AWAT2: variants seen among roughly 807,000 people sequenced by gnomAD.
AWAT2 encodes 11-cis-RE-synthase.
A neutral mutation model predicts 22.3 loss-of-function variants in AWAT2; 9 were observed. That is an observed-to-expected ratio of 0.40 (90% CI 0.24 to 0.70). The LOEUF is 0.70. Among genes scored for constraint, AWAT2 ranks in the 30% least tolerant of loss-of-function variants. The probability of loss-of-function intolerance (pLI) is 0.36; values close to 1 mark genes in which losing one functional copy is unlikely to be tolerated. For synonymous variants in AWAT2, 100 were observed against 93.4 expected (o/e 1.07, Z -0.40); for missense variants, 217 against 265.9 (o/e 0.82, Z 1.28).
In AWAT2 at chrX:70,043,470, C is replaced by T. The variant is rs757025455; in HGVS notation, c.472+8G>A. On this transcript the variant is annotated splice_region_variant and intron_variant, in intron 4 of 7. Transcript: ENST00000276101. The stretch of plus-strand genomic sequence containing the variant: ...TTCTTTGGCTTTGTGTCCTAGGAGC[C>T]AACTTACCTGTAGACATTACATATT... 1.5e-5 allele frequency: 18 copies of T among 1,203,136 alleles called. No individual in the cohort carries two copies. The highest frequency in any genetic ancestry group is 1.0e-5 in the Non-Finnish European group (9 of 890,034).
rs1410400116 is a variant in AWAT2 at position 70,041,913 on chromosome X, G to A, written c.897C>T (p.Ile299=). The change falls in exon 7 of 8, where the codon ATC becomes ATT. Residue 299 remains isoleucine, a synonymous_variant. Coordinates refer to ENST00000276101, the MANE Select transcript of AWAT2 (RefSeq NM_001002254.1). ...TATAGAGTGTGTGATATTTAGCCAC[G>A]ATCTCCTGGCTTGGATTCTCAATCT... ...MPKIENPSQE[I]VAKYHTLYID... 13 of 1,211,082 alleles carry A rather than the reference G, an allele frequency of 1.1e-5. No individual in the cohort carries two copies. Among genetic ancestry groups the A allele is most frequent in the East Asian group, 3.0e-5 (1 of 33,824 alleles).
chrX:70,048,987 C>G (rs1454633590), intron 1 of AWAT2, among the ~76,000 whole-genome samples: 1 of 111,891 alleles, frequency 8.9e-6, no homozygotes, highest in Non-Finnish European at 1.9e-5. Flanking sequence ...GATTAATACA[C>G]CCTGAATGCT....
At chrX:70,047,819 C>T (rs2020373120) in intron 1 of AWAT2, among the ~76,000 whole-genome samples, 1 of 111,367 alleles carries the variant, frequency 9.0e-6, no homozygotes, top group Admixed American at 9.5e-5. Flanking sequence ...ACCGAGAGCT[C>T]TTCTGCCTGC....
At position 70,043,465 on chromosome X, in the gene AWAT2, G is replaced by A; in HGVS notation, c.472+13C>T. ...ATTTTTTCTTTGGCTTTGTGTCCTA[G>A]GAGCCAACTTACCTGTAGACATTAC... On this transcript the variant is annotated intron_variant, in intron 4 of 7. Transcript: ENST00000276101. 1 of 1,200,466 alleles carries A rather than the reference G, an allele frequency of 8.3e-7. No individual in the cohort carries two copies. The highest frequency in any genetic ancestry group is 1.1e-6 in the Non-Finnish European group (1 of 887,217).
At chrX:70,048,318 C>T (rs2020377168) in intron 1 of AWAT2, among the ~76,000 whole-genome samples, 1 of 111,640 alleles carries the variant, frequency 9.0e-6, no homozygotes, top group South Asian at 3.8e-4. Context: ...CCTACACAAT[C>T]TGTCCCCTGC....
intron 1 of AWAT2, among the ~76,000 whole-genome samples, chrX:70,048,021 A>G (rs72628847): frequency 3.4e-5 from 1 of 29,265 alleles, no homozygotes; most frequent in Admixed American, 3.7e-4. Flanking sequence ...CCGTGCCCCC[A>G]CCCCCCATCT....
At position 70,043,545 on chromosome X, in the gene AWAT2, G is replaced by A; in HGVS notation, c.405C>T (p.Thr135=). The change falls in exon 4 of 8, where the codon ACC becomes ACT. Residue 135 remains threonine (T), a synonymous_variant. Coordinates refer to ENST00000276101, the MANE Select transcript of AWAT2 (RefSeq NM_001002254.1). ...SGFSKIFPGI[T]PYILTLGAFF... ...AGGCTCCCAGTGTGAGTATGTAAGG[G>A]GTGATGCCAGGAAATATCTTGGAGA... 8.3e-7 allele frequency: 1 copy of A among 1,210,850 alleles called. No homozygotes were observed. The highest frequency in any genetic ancestry group is 1.8e-5 in the South Asian group (1 of 56,890).
At chrX:70,046,803 T>C (rs2020364983) in intron 1 of AWAT2, among the ~76,000 whole-genome samples, 1 of 112,208 alleles carries the variant, frequency 8.9e-6, no homozygotes. Flanking sequence ...ACAACTGTGC[T>C]TCCTCTTTTC....
rs926394796 is a variant in AWAT2 at position 70,041,250 on chromosome X, G to T, written c.*408C>A. ...TTGTTAGTCTCATTTTATAGAAGAA[G>T]AAAGGAGGCTCAGAGGTGACTGATT... On this transcript the variant is annotated 3_prime_UTR_variant, in exon 8 of 8. Coordinates refer to ENST00000276101, the MANE Select transcript of AWAT2 (RefSeq NM_001002254.1). 1 of 112,625 alleles carries T rather than the reference G, an allele frequency of 8.9e-6. No homozygotes were observed. Among genetic ancestry groups the T allele is most frequent in the African/African-American group, 3.2e-5 (1 of 30,848 alleles). The allele number at this position is 112,625 out of a possible 1,213,427, so 9.3% of individuals were successfully genotyped here. A position where few individuals can be genotyped will look rare whatever the true frequency, so the allele number is the denominator to read the frequency against.
intron 1 of AWAT2, among the ~76,000 whole-genome samples, chrX:70,048,730 T>G (rs1451270431): frequency 9.0e-6 from 1 of 111,527 alleles, no homozygotes; most frequent in Non-Finnish European, 1.9e-5. Flanking sequence ...TGGGTGGAGG[T>G]AGTAAGGACT....
At position 70,043,071 on chromosome X, in the gene AWAT2, A is replaced by C. The variant is rs2020340085; in HGVS notation, c.645T>G (p.His215Gln). 8.4e-7 allele frequency: 1 copy of C among 1,185,873 alleles called. No individual in the cohort carries two copies. Among genetic ancestry groups the C allele is most frequent in the Non-Finnish European group, 1.1e-6 (1 of 883,320 alleles). The change falls in exon 5 of 8, where the codon CAT becomes CAG. Residue 215 changes from histidine (H) to glutamine (Q), a missense_variant and splice_region_variant. His to Gln is a conservative substitution (Grantham distance 24, BLOSUM62 0). Transcript: ENST00000276101. ...GCCTGGACTGGAGCTGTCCTTACCC[A>C]TGCTGAAGGGCCATGCGCACAAAGC... is the stretch of plus-strand genomic sequence containing the variant. Reference protein sequence around the residue: ...RSGFVRMALQHGVPLIPAYAF... With the variant: ...RSGFVRMALQQGVPLIPAYAF...
chrX:70,042,025 G>T (rs1053147728), intron 6 of AWAT2, 63 bp from the exon 7 acceptor site: 36 of 1,156,859 alleles, frequency 3.1e-5, no homozygotes, highest in Non-Finnish European at 4.0e-5. Context: ...CTCAGAATGG[G>T]CCCCAGGCTT....
chrX:70,047,768 G>A lies in AWAT2; in HGVS notation c.85+2080C>T, dbSNP rs777690763. ...CCCCACTTGCCCTATGTGAACTAGT[G>A]AGGAAGGGGCAAACGCCTGCAGCCC... is the stretch of plus-strand genomic sequence containing the variant. On this transcript the variant is annotated intron_variant, in intron 1 of 7. Coordinates refer to ENST00000276101, the MANE Select transcript of AWAT2 (RefSeq NM_001002254.1). 4.5e-5 allele frequency among the ~76,000 whole-genome samples: 5 copies of A among 111,694 alleles called. No individual in the cohort carries two copies. In the South Asian group the frequency reaches 1.9e-3, roughly 42 times the overall value.
At chrX:70,042,450 C>T (rs764646463) in intron 5 of AWAT2, 64 bp from the exon 6 acceptor site, 8 of 1,047,577 alleles carry the variant, frequency 7.6e-6, no homozygotes, top group Non-Finnish European at 1.1e-5. Context: ...ATGCCAGACA[C>T]GCTGACGGCG....
At chrX:70,042,575 G>T (rs1156871145) in intron 5 of AWAT2, 189 bp from the exon 6 acceptor site, 1 of 495,042 alleles carries the variant, frequency 2.0e-6, no homozygotes. Context: ...GAGCAAAGTA[G>T]CAGTAAGCTA....
intron 1 of AWAT2, among the ~76,000 whole-genome samples, chrX:70,046,024 G>A (rs1171795116): frequency 9.0e-6 from 1 of 110,911 alleles, no homozygotes; most frequent in Admixed American, 9.6e-5. Context: ...GGCCCTGGAG[G>A]TGACAGCTGT....
chrX:70,049,716 C>T, intron 1 of AWAT2, 132 bp downstream of exon 1: 1 of 758,181 alleles, frequency 1.3e-6, no homozygotes, highest in Non-Finnish European at 1.9e-6. Context: ...AGGCCAGAGG[C>T]TGGTGTTACC....
chrX:70,049,703 G>T, intron 1 of AWAT2, 145 bp downstream of exon 1: 1 of 658,925 alleles, frequency 1.5e-6, no homozygotes, highest in Non-Finnish European at 2.3e-6. Context: ...GGCCAGGTGG[G>T]TCAGGCCAGA....
In AWAT2 at chrX:70,048,774, G is replaced by A. The variant is rs201957042; in HGVS notation, c.85+1074C>T. On this transcript the variant is annotated intron_variant, in intron 1 of 7. Transcript: ENST00000276101. ...GTTCTCCATTCACTTTCCCTCCCAT[G>A]CTGTGGTAATCCCTCAAGCCCCATT... 4.5e-5 allele frequency among the ~76,000 whole-genome samples: 5 copies of A among 111,857 alleles called. No individual in the cohort carries two copies. In the East Asian group the frequency reaches 1.4e-3, roughly 31 times the overall value.
Sources: allele counts gnomAD v4.1 joint callset (sites outside exome capture counted in the v4.1 genomes callset), GRCh38; gene constraint gnomAD v4.1.1; transcripts MANE v1.5; gene names NCBI Gene and HGNC (gene_info 2026-07-23, HGNC 2026-07-21).